Variants in TSHZ3 observed in about 807,000 individuals in gnomAD.
TSHZ3 encodes the protein teashirt zinc finger homeobox 3.
TSHZ3 carries 10 observed loss-of-function variants against 64.5 expected under a neutral mutation model. The observed-to-expected ratio is 0.16, with a 90% CI of 0.10 to 0.26. The LOEUF is 0.26. TSHZ3 is among the 10% of genes least tolerant of loss of function. TSHZ3 has a pLI of 1.00. For synonymous variants in TSHZ3, 608 were observed against 593.1 expected, an observed-to-expected ratio of 1.03 and a Z score of -0.36; for missense variants, 1,242 against 1,421.7, an observed-to-expected ratio of 0.87 and a Z score of 2.03.
At position 31,330,710 on chromosome 19, in the gene TSHZ3, G is replaced by T. The variant is rs570297134; in HGVS notation, c.40+18470C>A. On this transcript the variant is annotated intron_variant, in intron 1 of 1. Transcript: ENST00000240587. ...GCCAAGTGCTGTTTAATCCTTGGGC[G>T]GGGGGAGGAAAGTCCAGAACACCTA... is the stretch of plus-strand genomic sequence containing the variant. Among the ~76,000 whole-genome samples, 19 of 34,336 alleles carry T rather than the reference G, an allele frequency of 5.5e-4. 1 individual carries two copies. In the East Asian group the frequency reaches 7.2e-3, roughly 13 times the overall value. 22.5% of individuals were successfully genotyped at this position (34,336 alleles called of 152,430 possible).
intron 1 of TSHZ3, among the ~76,000 whole-genome samples, chr19:31,283,705 A>C (rs753134469): frequency 7.9e-5 from 12 of 152,218 alleles, no homozygotes; most frequent in Non-Finnish European, 1.8e-4. Context: ...AAAGTCGCTT[A>C]ATCTGGTTCA....
intron 1 of TSHZ3, among the ~76,000 whole-genome samples, chr19:31,330,707 GGC>G (rs1491024453): frequency 8.1e-4 from 81 of 100,292 alleles, no homozygotes; most frequent in South Asian, 5.4e-3. Flanking sequence ...TTAATCCTTG[GGC>G]GGGGGGAGGA....
chr19:31,239,819 G>C (rs559624093), intron 3 of TSHZ3, among the ~76,000 whole-genome samples: 31 of 152,180 alleles, frequency 2.0e-4, no homozygotes, highest in African/African-American at 7.0e-4. Flanking sequence ...CTGAGTTCAA[G>C]TGATTCTCCT....
At chr19:31,252,815 T>G (rs1975859789) in intron 1 of TSHZ3, among the ~76,000 whole-genome samples, 1 of 152,216 alleles carries the variant, frequency 6.6e-6, no homozygotes, top group Admixed American at 6.5e-5. Context: ...AAGACCCTTT[T>G]TCCAAATAAA....
At chr19:31,297,894 G>A (rs73035754) in intron 1 of TSHZ3, among the ~76,000 whole-genome samples, 9,935 of 152,194 alleles carry the variant, frequency 0.065, 424 homozygotes, top group Non-Finnish European at 0.1. Context: ...GCCCTAATGC[G>A]TACTCACAGG....
At chr19:31,322,792 A>G (rs1227735710) in intron 1 of TSHZ3, among the ~76,000 whole-genome samples, 3 of 152,182 alleles carry the variant, frequency 2.0e-5, no homozygotes, top group African/African-American at 7.2e-5. Context: ...GAATGAGTGA[A>G]TGAATGAATG....
intron 1 of TSHZ3, among the ~76,000 whole-genome samples, chr19:31,336,709 A>G (rs1258368116): frequency 1.3e-5 from 2 of 152,110 alleles, no homozygotes; most frequent in African/African-American, 4.8e-5. Flanking sequence ...GAGTGGAGGG[A>G]ACAGATGCGG....
intron 1 of TSHZ3, among the ~76,000 whole-genome samples, chr19:31,243,046 A>G (rs1003515486): frequency 6.6e-6 from 1 of 152,158 alleles, no homozygotes; most frequent in South Asian, 2.1e-4. Flanking sequence ...CCCAGAAATA[A>G]TGCTCTATCA....
At chr19:31,168,614 C>T (rs1437910776) in intron 5 of TSHZ3, among the ~76,000 whole-genome samples, 1 of 152,230 alleles carries the variant, frequency 6.6e-6, no homozygotes, top group African/African-American at 2.4e-5. Context: ...AGAGGAGACA[C>T]TGGCTTCCAC....
At chr19:31,228,950 C>G (rs1359097632) in intron 3 of TSHZ3, among the ~76,000 whole-genome samples, 1 of 152,168 alleles carries the variant, frequency 6.6e-6, no homozygotes, top group East Asian at 1.9e-4. Context: ...TCAAAACAGA[C>G]CTGTGGGTTC....
At chr19:31,167,631 G>C (rs1201360198) in intron 5 of TSHZ3, 1 of 152,232 alleles carries the variant, frequency 6.6e-6, no homozygotes, top group African/African-American at 2.4e-5. Context: ...GAAGAAAAAA[G>C]GGAAAACAGC....
chr19:31,213,388 A>AAAAAAAAAC, intron 4 of TSHZ3, among the ~76,000 whole-genome samples: 3 of 146,828 alleles, frequency 2.0e-5, no homozygotes, highest in Non-Finnish European at 3.0e-5. Flanking sequence ...AAAAAAAAAA[A>AAAAAAAAAC]AAATCAGTGG....
intron 1 of TSHZ3, among the ~76,000 whole-genome samples, chr19:31,304,601 T>C (rs1309567924): frequency 6.6e-6 from 1 of 151,454 alleles, no homozygotes. Context: ...GCACCGAGAG[T>C]TGGATTTATA....
chr19:31,208,381 G>C (rs927854105), intron 4 of TSHZ3, among the ~76,000 whole-genome samples: 8 of 152,166 alleles, frequency 5.3e-5, no homozygotes, highest in Non-Finnish European at 7.3e-5. Flanking sequence ...CCAAGAAAGA[G>C]AGTCCAATTG....
chr19:31,326,022 C>T (rs1844373189), intron 1 of TSHZ3, among the ~76,000 whole-genome samples: 1 of 152,190 alleles, frequency 6.6e-6, no homozygotes, highest in Non-Finnish European at 1.5e-5. Flanking sequence ...TAACATTCCG[C>T]TTTATTTGCT....
At chr19:31,242,669 A>G (rs1975708343) in intron 2 of TSHZ3, among the ~76,000 whole-genome samples, 1 of 152,078 alleles carries the variant, frequency 6.6e-6, no homozygotes, top group Non-Finnish European at 1.5e-5. Flanking sequence ...TGATGTCCAA[A>G]GGCAGCAGCA....
At chr19:31,338,556 C>A (rs190746457) in intron 1 of TSHZ3, among the ~76,000 whole-genome samples, 1 of 149,436 alleles carries the variant, frequency 6.7e-6, no homozygotes, top group African/African-American at 2.5e-5. Context: ...TTTTCAGATA[C>A]GGTGTTGGTT....
At chr19:31,349,028 CG>C in intron 1 of TSHZ3, 151 bp downstream of exon 1, 1 of 937,604 alleles carries the variant, frequency 1.1e-6, no homozygotes, top group Non-Finnish European at 1.5e-6. Flanking sequence ...GTACCCGAGG[CG>C]GGCGCACGCA....
intron 1 of TSHZ3, among the ~76,000 whole-genome samples, chr19:31,255,827 C>T (rs978540952): frequency 6.6e-6 from 1 of 152,086 alleles, no homozygotes; most frequent in Non-Finnish European, 1.5e-5. Flanking sequence ...CCAGGTAAGC[C>T]CCCCCTTACT....
Sources: allele counts gnomAD v4.1 joint callset (sites outside exome capture counted in the v4.1 genomes callset), GRCh38; gene constraint gnomAD v4.1.1; transcripts MANE v1.5; gene names NCBI Gene and HGNC (gene_info 2026-07-23, HGNC 2026-07-21).